Variants in GPHN observed in about 807,000 individuals in gnomAD.
GPHN encodes the protein gephyrin.
GPHN carries 17 observed loss-of-function variants against 95.5 expected under a neutral mutation model. That is an observed-to-expected ratio of 0.18 (90% CI 0.12 to 0.27). GPHN has a LOEUF of 0.27. GPHN is among the 10% of genes least tolerant of loss of function. The probability of loss-of-function intolerance (pLI) is 1.00; values close to 1 mark genes in which losing one functional copy is unlikely to be tolerated. For synonymous variants in GPHN, 320 were observed against 322.5 expected, an observed-to-expected ratio of 0.99 and a Z score of 0.08; for missense variants, 660 against 978.1, an observed-to-expected ratio of 0.67 and a Z score of 4.34.
intron 4 of GPHN, among the ~76,000 whole-genome samples, chr14:66,850,431 AT>A (rs369305360): frequency 1.3e-5 from 2 of 151,080 alleles, no homozygotes; most frequent in African/African-American, 2.4e-5. Flanking sequence ...AAGAGAACCT[AT>A]TTTTTTTTAG....
At chr14:67,669,977 C>T in the GPHN span, among the ~76,000 whole-genome samples, 1 of 152,168 alleles carries the variant, frequency 6.6e-6, no homozygotes, top group African/African-American at 2.4e-5. Flanking sequence ...CACCTGTGGT[C>T]CCAGCTACTC....
the GPHN span, chr14:67,384,477 G>A: frequency 6.6e-6 from 1 of 151,902 alleles, no homozygotes; most frequent in South Asian, 2.1e-4. Context: ...GTAGTCAGGT[G>A]TAGAAAATCT....
the GPHN span, among the ~76,000 whole-genome samples, chr14:67,265,567 A>G: frequency 7.2e-4 from 110 of 152,150 alleles, no homozygotes; most frequent in African/African-American, 2.6e-3. Flanking sequence ...TTTAAAAGAA[A>G]AATAAAAAAG....
At chr14:67,103,787 T>C (rs2077873997) in intron 13 of GPHN, among the ~76,000 whole-genome samples, 2 of 152,142 alleles carry the variant, frequency 1.3e-5, no homozygotes, top group Non-Finnish European at 1.5e-5. Flanking sequence ...TTTAGGGTTT[T>C]CTATATATAA....
intron 10 of GPHN, among the ~76,000 whole-genome samples, chr14:67,031,094 T>C (rs1251075454): frequency 1.3e-5 from 2 of 152,140 alleles, no homozygotes; most frequent in African/African-American, 4.8e-5. Context: ...CCTTATCCCT[T>C]CATTCATTCT....
In GPHN at chr14:67,173,723, A is replaced by G. The variant is rs149096995; in HGVS notation, c.2079+4687A>G. Among the ~76,000 whole-genome samples the G allele has an allele frequency of 3.0e-3, 454 of 152,352 alleles. 3 individuals carry two copies. Among genetic ancestry groups the G allele is most frequent in the African/African-American group, 0.01 (435 of 41,586 alleles). Reference sequence around the variant, plus strand: ...ACAGACCCAAATGAAAAGAAAATCAATGACCTGCTGGAAAATAAATGCAAA... The same window carrying G: ...ACAGACCCAAATGAAAAGAAAATCAGTGACCTGCTGGAAAATAAATGCAAA... On this transcript the variant is annotated intron_variant, in intron 21 of 22. Transcript: ENST00000478722.
intron 1 of GPHN, among the ~76,000 whole-genome samples, chr14:66,512,980 T>G (rs1384981415): frequency 1.3e-5 from 2 of 151,726 alleles, no homozygotes; most frequent in East Asian, 3.9e-4. Flanking sequence ...CTGCCTAACT[T>G]AGCTGTTTTT....
chr14:66,952,717 CAG>C (rs1029832245), intron 8 of GPHN, among the ~76,000 whole-genome samples: 45 of 152,184 alleles, frequency 3.0e-4, no homozygotes, highest in African/African-American at 1.1e-3. Flanking sequence ...GCTTTTGAGA[CAG>C]AGTCTCGCAC....
At chr14:66,638,774 G>T (rs912516589) in intron 1 of GPHN, among the ~76,000 whole-genome samples, 1 of 151,534 alleles carries the variant, frequency 6.6e-6, no homozygotes, top group Non-Finnish European at 1.5e-5. Context: ...ATTGAGAAGA[G>T]ACTTTAATAT....
chr14:67,719,022 A>G, the GPHN span, among the ~76,000 whole-genome samples: 3 of 152,254 alleles, frequency 2.0e-5, no homozygotes, highest in Admixed American at 2.0e-4. Context: ...AAGATACACC[A>G]ACAAAGTTGG....
At chr14:67,448,810 G>T in the GPHN span, among the ~76,000 whole-genome samples, 1 of 152,184 alleles carries the variant, frequency 6.6e-6, no homozygotes, top group East Asian at 1.9e-4. Flanking sequence ...GGGCAATGAG[G>T]AAAAGGCCTT....
the GPHN span, chr14:67,656,629 T>C: frequency 1.1e-5 from 17 of 1,564,174 alleles, no homozygotes; most frequent in South Asian, 1.9e-4. Flanking sequence ...ACTTTTTCCA[T>C]TATAAATTCA....
the GPHN span, among the ~76,000 whole-genome samples, chr14:67,421,167 G>A: frequency 6.6e-6 from 1 of 152,212 alleles, no homozygotes; most frequent in African/African-American, 2.4e-5. Context: ...GACCTTGACA[G>A]TAGAGAATGA....
At chr14:67,361,591 T>C in the GPHN span, among the ~76,000 whole-genome samples, 2 of 152,242 alleles carry the variant, frequency 1.3e-5, no homozygotes, top group Admixed American at 6.5e-5. Context: ...TGAACTTCTA[T>C]ATCCATTATA....
chr14:66,678,530 C>G (rs1206247763), intron 1 of GPHN, among the ~76,000 whole-genome samples: 1 of 147,888 alleles, frequency 6.8e-6, no homozygotes, highest in Admixed American at 6.8e-5. Flanking sequence ...TCTTTTGTAT[C>G]TACTAAGTTT....
chr14:67,122,525 G>C, intron 17 of GPHN, 148 bp downstream of exon 17: 1 of 682,336 alleles, frequency 1.5e-6, no homozygotes, highest in Non-Finnish European at 2.6e-6. Context: ...AGAATATTGA[G>C]GTATCTATGT....
the GPHN span, chr14:67,359,868 T>C: frequency 1.1e-5 from 8 of 716,550 alleles, no homozygotes; most frequent in African/African-American, 1.8e-5. Flanking sequence ...CCGCTTCCGG[T>C]TGTCACAGGC....
chr14:67,160,722 G>C (rs1256019031), intron 19 of GPHN, among the ~76,000 whole-genome samples: 1 of 152,094 alleles, frequency 6.6e-6, no homozygotes, highest in Admixed American at 6.6e-5. Context: ...TGGAGTAGAG[G>C]CTTCTCAGTT....
chr14:67,350,707 C>T, the GPHN span: 1 of 1,608,836 alleles, frequency 6.2e-7, no homozygotes, highest in Non-Finnish European at 8.5e-7. Flanking sequence ...AAGCATAAAC[C>T]AACAGCAGAT....
Sources: gnomAD v4.1 joint callset for allele counts (sites outside exome capture counted in the v4.1 genomes callset) on GRCh38, gnomAD v4.1.1 for gene constraint, MANE v1.5 for transcripts, NCBI Gene and HGNC (gene_info 2026-07-23, HGNC 2026-07-21) for gene names.